The following TMEM108 variants were observed in gnomAD, a reference collection of about 807,000 sequenced individuals.
TMEM108 encodes the protein transmembrane protein 108.
TMEM108 carries 12 observed loss-of-function variants against 35.1 expected under a neutral mutation model. The observed-to-expected ratio is 0.34, with a 90% CI of 0.22 to 0.55. TMEM108 has a LOEUF of 0.55. TMEM108 is among the 20% of genes least tolerant of loss of function. The pLI is 0.89. For missense variants in TMEM108, 680 were observed against 753.3 expected (o/e 0.90, Z 1.14); for synonymous variants, 287 against 308.6 (o/e 0.93, Z 0.73).
intron 3 of TMEM108, among the ~76,000 whole-genome samples, chr3:133,285,793 C>T (rs1946975599): frequency 6.6e-6 from 1 of 152,186 alleles, no homozygotes; most frequent in South Asian, 2.1e-4. Flanking sequence ...GACTGGGCGC[C>T]CAGCTGCTTC....
intron 2 of TMEM108, among the ~76,000 whole-genome samples, chr3:133,136,884 T>C (rs1944572058): frequency 6.6e-6 from 1 of 152,198 alleles, no homozygotes; most frequent in Admixed American, 6.5e-5. Context: ...GGAATCCTGC[T>C]GTGTCGCTCA....
In TMEM108 at chr3:133,348,174, C is replaced by A. The variant is rs978151096; in HGVS notation, c.41-31578C>A. On this transcript the variant is annotated intron_variant, in intron 3 of 5. Coordinates refer to ENST00000321871, the MANE Select transcript of TMEM108 (RefSeq NM_023943.4). ...AAACATGTCATTAAGTAATATTAAT[C>A]AAAATATTGTATTACAAATATAAGA... Among the ~76,000 whole-genome samples the A allele has an allele frequency of 1.4e-4, 22 of 151,870 alleles. No homozygotes were observed. In the South Asian group the frequency reaches 3.5e-3, roughly 24 times the overall value.
At chr3:133,304,923 A>T (rs1947280415) in intron 3 of TMEM108, among the ~76,000 whole-genome samples, 1 of 152,082 alleles carries the variant, frequency 6.6e-6, no homozygotes, top group African/African-American at 2.4e-5. Flanking sequence ...CTCTACTAAA[A>T]AATACAAAAA....
chr3:133,325,885 T>A (rs2071326987), intron 3 of TMEM108, among the ~76,000 whole-genome samples: 1 of 152,058 alleles, frequency 6.6e-6, no homozygotes, highest in Non-Finnish European at 1.5e-5. Flanking sequence ...TATAACATTA[T>A]GTTTACATTT....
chr3:133,197,210 A>G (rs957479340), intron 2 of TMEM108, among the ~76,000 whole-genome samples: 3 of 152,222 alleles, frequency 2.0e-5, no homozygotes, highest in Non-Finnish European at 4.4e-5. Flanking sequence ...GGAATAGGAA[A>G]CATTTTAGTA....
Position 133,231,100 on chromosome 3 carries a change from A to G in TMEM108, c.40+1749A>G, listed in dbSNP as rs890996215. The stretch of plus-strand genomic sequence containing the variant: ...GTCAGCCAGTTATTAAGTTATGTGT[A>G]TGTTAACATTGTCCACAAACAGAAT... On this transcript the variant is annotated intron_variant, in intron 3 of 5. Coordinates refer to ENST00000321871, the MANE Select transcript of TMEM108 (RefSeq NM_023943.4). 2.0e-5 allele frequency among the ~76,000 whole-genome samples: 3 copies of G among 152,296 alleles called. No homozygotes were observed. The South Asian group carries it at 6.2e-4, about 32-fold the overall frequency.
chr3:133,376,741 T>A (rs1335788760), intron 3 of TMEM108, among the ~76,000 whole-genome samples: 1 of 152,314 alleles, frequency 6.6e-6, no homozygotes, highest in African/African-American at 2.4e-5. Context: ...TTTTCCCTGT[T>A]TCACTAATCT....
chr3:133,117,902 A>G (rs539677010), intron 2 of TMEM108, among the ~76,000 whole-genome samples: 48 of 152,108 alleles, frequency 3.2e-4, no homozygotes, highest in African/African-American at 1.1e-3. Context: ...AAGATTTGCA[A>G]CTCTCCAATC....
chr3:133,322,875 A>G lies in TMEM108; in HGVS notation c.41-56877A>G, dbSNP rs796206643. ...GGGATGGTTTAACATATACAAATCG[A>G]TAAATGTGATACATCACATAAACAG... On this transcript the variant is annotated intron_variant, in intron 3 of 5. Coordinates refer to ENST00000321871, the MANE Select transcript of TMEM108 (RefSeq NM_023943.4). Among the ~76,000 whole-genome samples, 3 of 152,336 alleles carry G rather than the reference A, an allele frequency of 2.0e-5. No homozygotes were observed. The East Asian group carries it at 5.8e-4, about 29-fold the overall frequency.
At chr3:133,066,441 A>G (rs1443822740) in intron 2 of TMEM108, among the ~76,000 whole-genome samples, 1 of 152,222 alleles carries the variant, frequency 6.6e-6, no homozygotes, top group African/African-American at 2.4e-5. Context: ...AAATAAGAAA[A>G]AAAAGCAAGA....
chr3:133,298,550 G>A (rs1947176572), intron 3 of TMEM108, among the ~76,000 whole-genome samples: 1 of 152,188 alleles, frequency 6.6e-6, no homozygotes, highest in African/African-American at 2.4e-5. Flanking sequence ...TCTTCTTCTA[G>A]AACAGGTACC....
chr3:133,217,292 A>G (rs895856099), intron 2 of TMEM108, among the ~76,000 whole-genome samples: 1 of 151,898 alleles, frequency 6.6e-6, no homozygotes, highest in African/African-American at 2.4e-5. Context: ...TTTTCTTACT[A>G]TTGAGTTGAG....
intron 2 of TMEM108, among the ~76,000 whole-genome samples, chr3:133,117,993 T>G (rs1025693477): frequency 6.6e-6 from 1 of 152,110 alleles, no homozygotes; most frequent in African/African-American, 2.4e-5. Context: ...GAGGCCTTTT[T>G]GGGGGAGGAA....
chr3:133,156,383 CA>C (rs1455799157), intron 2 of TMEM108, among the ~76,000 whole-genome samples: 1 of 152,136 alleles, frequency 6.6e-6, no homozygotes, highest in Non-Finnish European at 1.5e-5. Flanking sequence ...TGAGTAGCAT[CA>C]GATAACATTT....
chr3:133,146,681 G>C (rs969855484), intron 2 of TMEM108, among the ~76,000 whole-genome samples: 6 of 152,126 alleles, frequency 3.9e-5, no homozygotes, highest in Admixed American at 6.5e-5. Flanking sequence ...CTTCTTCCTG[G>C]TTTAGTCTTG....
chr3:133,234,658 A>G (rs1261876999), intron 3 of TMEM108, among the ~76,000 whole-genome samples: 1 of 152,190 alleles, frequency 6.6e-6, no homozygotes, highest in East Asian at 1.9e-4. Flanking sequence ...TGAATGGGCA[A>G]AAACTGGAAG....
At chr3:133,223,911 A>G (rs1946029513) in intron 2 of TMEM108, among the ~76,000 whole-genome samples, 1 of 152,204 alleles carries the variant, frequency 6.6e-6, no homozygotes, top group African/African-American at 2.4e-5. Flanking sequence ...TAAATAGCCA[A>G]ATGGTGCTTC....
chr3:133,379,630 G>A (rs2072941590), intron 3 of TMEM108, 122 bp from the exon 4 acceptor site: 9 of 940,962 alleles, frequency 9.6e-6, no homozygotes, highest in Non-Finnish European at 1.5e-5. Flanking sequence ...ACTAGTGTGG[G>A]CTCAGGAATG....
chr3:133,049,300 T>G (rs1444898748), intron 2 of TMEM108, among the ~76,000 whole-genome samples: 1 of 152,196 alleles, frequency 6.6e-6, no homozygotes, highest in Non-Finnish European at 1.5e-5. Flanking sequence ...TAATTAAAAT[T>G]AAATTGAAAT....
Sources: allele counts gnomAD v4.1 joint callset (sites outside exome capture counted in the v4.1 genomes callset), GRCh38; gene constraint gnomAD v4.1.1; transcripts MANE v1.5; gene names NCBI Gene and HGNC (gene_info 2026-07-23, HGNC 2026-07-21).